Variants in SCHIP1 observed in about 807,000 individuals in gnomAD.
The protein encoded by SCHIP1 is schwannomin-interacting protein 1.
A neutral mutation model predicts 29.7 loss-of-function variants in SCHIP1; 8 were observed. The observed-to-expected ratio is 0.27, with a 90% CI of 0.16 to 0.49. The LOEUF is 0.49. Ranked by LOEUF, SCHIP1 falls within the 20% of genes least tolerant of loss-of-function variation. The pLI, the probability that SCHIP1 is intolerant of heterozygous loss-of-function variation, is 0.99. For missense variants in SCHIP1, 193 were observed against 294.6 expected (o/e 0.66, Z 2.52); for synonymous variants, 76 against 94.9 (o/e 0.80, Z 1.16).
chr3:159,486,255 A>G, the SCHIP1 span, among the ~76,000 whole-genome samples: 1 of 152,104 alleles, frequency 6.6e-6, no homozygotes, highest in Non-Finnish European at 1.5e-5. Flanking sequence ...TATTCCCTCT[A>G]AGTAACTGAA....
chr3:159,808,773 T>C, the SCHIP1 span, among the ~76,000 whole-genome samples: 3 of 151,968 alleles, frequency 2.0e-5, no homozygotes, highest in Non-Finnish European at 2.9e-5. Flanking sequence ...ATACAAAAAA[T>C]AAGCTAATTA....
the SCHIP1 span, among the ~76,000 whole-genome samples, chr3:159,605,970 C>T: frequency 6.6e-5 from 10 of 152,002 alleles, no homozygotes; most frequent in East Asian, 1.6e-3. Context: ...CAGGACTCTG[C>T]GGCAGAAATC....
At chr3:159,474,781 C>T in the SCHIP1 span, among the ~76,000 whole-genome samples, 1 of 152,062 alleles carries the variant, frequency 6.6e-6, no homozygotes, top group African/African-American at 2.4e-5. Flanking sequence ...AAATTTGGCT[C>T]TTGAGGAACC....
At chr3:159,788,476 T>C in the SCHIP1 span, among the ~76,000 whole-genome samples, 47 of 152,290 alleles carry the variant, frequency 3.1e-4, no homozygotes, top group South Asian at 1.7e-3. Context: ...CTCAACACAA[T>C]TCCTGGATGT....
chr3:159,681,368 G>A, the SCHIP1 span, among the ~76,000 whole-genome samples: 1 of 150,886 alleles, frequency 6.6e-6, no homozygotes. Context: ...ACTTTTTATT[G>A]TAAAACTAAC....
At chr3:159,397,780 C>T in the SCHIP1 span, among the ~76,000 whole-genome samples, 2 of 152,210 alleles carry the variant, frequency 1.3e-5, no homozygotes, top group Admixed American at 1.3e-4. Context: ...TTTTGTTTGT[C>T]TGTGCCCTGC....
chr3:159,887,579 G>T, intron 3 of SCHIP1, 129 bp from the exon 5 acceptor site: 1 of 953,402 alleles, frequency 1.0e-6, no homozygotes. Context: ...AACTCAAGTA[G>T]CAAGTCACAT....
the SCHIP1 span, among the ~76,000 whole-genome samples, chr3:159,769,827 G>A: frequency 2.6e-4 from 39 of 152,302 alleles, no homozygotes; most frequent in Admixed American, 2.2e-3. Context: ...TAGTTAAAAT[G>A]TACAATTTGA....
the SCHIP1 span, among the ~76,000 whole-genome samples, chr3:159,500,303 T>C: frequency 1.3e-5 from 2 of 152,190 alleles, no homozygotes; most frequent in Admixed American, 6.5e-5. Context: ...CAAATTGTTC[T>C]TACCTGTGCC....
the SCHIP1 span, among the ~76,000 whole-genome samples, chr3:159,506,941 C>A: frequency 1.6e-4 from 25 of 152,200 alleles, no homozygotes; most frequent in East Asian, 2.3e-3. Context: ...ATTCTCCTGG[C>A]AATGCGGGCT....
the SCHIP1 span, among the ~76,000 whole-genome samples, chr3:159,335,957 C>G: frequency 3.3e-5 from 5 of 152,180 alleles, no homozygotes; most frequent in Non-Finnish European, 7.3e-5. Context: ...TACAGTCCCA[C>G]CAACACTGTA....
the SCHIP1 span, among the ~76,000 whole-genome samples, chr3:159,449,923 AGAG>A: frequency 6.6e-6 from 1 of 152,038 alleles, no homozygotes; most frequent in Non-Finnish European, 1.5e-5. Context: ...AAGAAAGAGA[AGAG>A]AAAGAAAAGG....
intron 1 of SCHIP1, among the ~76,000 whole-genome samples, chr3:159,855,797 G>C (rs763561393): frequency 9.2e-5 from 14 of 152,112 alleles, no homozygotes; most frequent in Non-Finnish European, 1.9e-4. Context: ...TACCACATGT[G>C]TATAGGGATT....
At chr3:159,772,238 T>A in the SCHIP1 span, among the ~76,000 whole-genome samples, 2 of 151,966 alleles carry the variant, frequency 1.3e-5, 1 homozygote, top group Admixed American at 1.3e-4. Context: ...GCAACCCCCA[T>A]CTCCCAGTTT....
the SCHIP1 span, among the ~76,000 whole-genome samples, chr3:159,591,916 C>T: frequency 2.0e-5 from 3 of 151,144 alleles, no homozygotes; most frequent in Admixed American, 1.3e-4. Flanking sequence ...GCACATGTAT[C>T]CCCGAACTTA....
the SCHIP1 span, among the ~76,000 whole-genome samples, chr3:159,295,411 A>G: frequency 2.0e-5 from 3 of 152,130 alleles, no homozygotes; most frequent in African/African-American, 7.2e-5. Context: ...CCTGGGTGAC[A>G]GAGCGAGACT....
At chr3:159,309,655 T>G in the SCHIP1 span, among the ~76,000 whole-genome samples, 1 of 152,194 alleles carries the variant, frequency 6.6e-6, no homozygotes, top group Non-Finnish European at 1.5e-5. Context: ...TCCTTGTTCA[T>G]CTTCCTCTTA....
intron 2 of SCHIP1, among the ~76,000 whole-genome samples, chr3:159,883,520 G>C (rs1190478605): frequency 1.3e-5 from 2 of 152,024 alleles, no homozygotes; most frequent in Non-Finnish European, 2.9e-5. Flanking sequence ...ATCCATTCAG[G>C]CTGCTTGGGA....
At chr3:159,556,611 C>A in the SCHIP1 span, among the ~76,000 whole-genome samples, 2 of 151,842 alleles carry the variant, frequency 1.3e-5, no homozygotes, top group African/African-American at 4.8e-5. Context: ...AGTTCATGTC[C>A]TTTGTAGGGA....
Sources: allele counts gnomAD v4.1 joint callset (sites outside exome capture counted in the v4.1 genomes callset), GRCh38; gene constraint gnomAD v4.1.1; transcripts MANE v1.5; gene names NCBI Gene and HGNC (gene_info 2026-07-23, HGNC 2026-07-21).